The following TPM1 variants were observed in gnomAD, a reference collection of about 807,000 sequenced individuals.
TPM1 encodes tropomyosin 1.
TPM1 carries 24 observed loss-of-function variants against 42.9 expected under a neutral mutation model. The ratio of observed to expected loss-of-function variants is 0.56; its 90% confidence interval spans 0.41 to 0.79. The LOEUF is 0.79. TPM1 is among the 30% of genes least tolerant of loss of function. The pLI is 0.00. For synonymous variants in TPM1, 136 were observed against 130.1 expected, an observed-to-expected ratio of 1.05 and a Z score of -0.31; for missense variants, 158 against 351.8, an observed-to-expected ratio of 0.45 and a Z score of 4.41.
intron 1 of TPM1, 152 bp from the exon 2 acceptor site, chr15:63,043,875 T>C (rs1460133348): frequency 2.6e-6 from 4 of 1,550,126 alleles, no homozygotes; most frequent in Non-Finnish European, 2.6e-6. Flanking sequence ...AATGGCTAAC[T>C]CTTTCTCTTT....
chr15:63,043,847 G>T, intron 1 of TPM1, 180 bp from the exon 2 acceptor site: 1 of 1,548,640 alleles, frequency 6.5e-7, no homozygotes. Context: ...CGGGGCGCGC[G>T]GCACGGCGTG....
At chr15:63,048,456 G>C (rs1433341625) in intron 2 of TPM1, 2 of 1,362,266 alleles carry the variant, frequency 1.5e-6, no homozygotes, top group East Asian at 6.1e-5. Flanking sequence ...CCATCGCACA[G>C]AGAGGCCTGG....
chr15:63,060,244 T>C (rs1001561059), intron 4 of TPM1, among the ~76,000 whole-genome samples: 2 of 152,236 alleles, frequency 1.3e-5, no homozygotes, highest in African/African-American at 4.8e-5. Flanking sequence ...CCTTATTGGA[T>C]CACATCGTGG....
Position 63,066,071 on chromosome 15 carries a change from T to G in TPM1, c.*172T>G. ...TGTACAGAAGCTCTTCGTTTCAGTG[T>G]CAAATAAACACTGTGTAAGCTATTT... is the stretch of plus-strand genomic sequence containing the variant. On this transcript the variant is annotated 3_prime_UTR_variant, in exon 10 of 10. Transcript: ENST00000403994. The G allele has an allele frequency of 6.5e-7, 1 of 1,534,780 alleles. No individual in the cohort carries two copies. The highest frequency in any genetic ancestry group is 8.7e-7 in the Non-Finnish European group (1 of 1,145,274).
downstream of TPM1, among the ~76,000 whole-genome samples, chr15:63,066,664 A>T (rs1314417470): frequency 3.3e-5 from 5 of 152,246 alleles, no homozygotes; most frequent in Non-Finnish European, 7.3e-5. Flanking sequence ...TCATCCTTTT[A>T]TAGCACAAAG....
chr15:63,058,586 G>GT (rs1204787697), intron 3 of TPM1, among the ~76,000 whole-genome samples: 1 of 152,140 alleles, frequency 6.6e-6, no homozygotes, highest in Non-Finnish European at 1.5e-5. Flanking sequence ...GTGCACACCT[G>GT]TAATCCCAGC....
At chr15:63,048,420 A>G (rs554540382) in intron 2 of TPM1, 4 of 1,355,034 alleles carry the variant, frequency 3.0e-6, no homozygotes, top group African/African-American at 1.6e-5. Context: ...CGACTTCCGG[A>G]CTGCTCCTGG....
At chr15:63,069,778 CT>C, downstream of TPM1, 1 of 1,535,350 alleles carries the variant, frequency 6.5e-7, no homozygotes. Flanking sequence ...CTTGAGGTCT[CT>C]TTGTGTTCTC....
intron 1 of TPM1, 42 bp from the exon 2 acceptor site, chr15:63,043,985 C>T (rs1273094828): frequency 1.2e-6 from 2 of 1,602,736 alleles, no homozygotes; most frequent in Non-Finnish European, 1.7e-6. Flanking sequence ...ACGCTGCCTG[C>T]TGCACCCCCC....
chr15:63,044,260 A>C (rs1403220111), intron 2 of TPM1, 108 bp downstream of exon 2: 1 of 1,527,962 alleles, frequency 6.5e-7, no homozygotes, highest in African/African-American at 1.4e-5. Flanking sequence ...CCTGCTGGAC[A>C]CCTGCACACA....
chr15:63,063,273 C>T, intron 8 of TPM1: 1 of 985,364 alleles, frequency 1.0e-6, no homozygotes, highest in Non-Finnish European at 1.2e-6. Context: ...AGACAAATAT[C>T]TACATCACAG....
intron 3 of TPM1, among the ~76,000 whole-genome samples, chr15:63,058,816 A>G (rs2035184963): frequency 2.0e-5 from 3 of 152,326 alleles, no homozygotes; most frequent in South Asian, 4.1e-4. Flanking sequence ...GTAAAATATC[A>G]TAGGTCATTT....
chr15:63,048,431 C>G, intron 2 of TPM1: 1 of 1,351,354 alleles, frequency 7.4e-7, no homozygotes, highest in Non-Finnish European at 9.4e-7. Context: ...CTGCTCCTGG[C>G]CGCAGGGGGC....
chr15:63,052,038 A>C (rs77944175), intron 2 of TPM1, among the ~76,000 whole-genome samples: 67 of 152,206 alleles, frequency 4.4e-4, no homozygotes, highest in African/African-American at 1.6e-3. Flanking sequence ...ATTGTAAGGC[A>C]CCTCAAGTAC....
chr15:63,055,207 C>T (rs1431518197), intron 2 of TPM1, among the ~76,000 whole-genome samples: 1 of 152,204 alleles, frequency 6.6e-6, no homozygotes, highest in Non-Finnish European at 1.5e-5. Context: ...GTAGGCAGTA[C>T]AGTTGTAAAT....
At chr15:63,043,046 T>G in intron 1 of TPM1, 103 bp downstream of exon 1, 9 of 966,610 alleles carry the variant, frequency 9.3e-6, no homozygotes, top group East Asian at 2.8e-5. Context: ...GCCACCACCC[T>G]ACCCCCACCA....
At chr15:63,070,812 C>G, downstream of TPM1, 1 of 1,246,698 alleles carries the variant, frequency 8.0e-7, no homozygotes. Context: ...CGTCAGTGAA[C>G]CTTCACCAAA....
downstream of TPM1, among the ~76,000 whole-genome samples, chr15:63,066,863 G>T (rs1183499074): frequency 6.7e-6 from 1 of 150,370 alleles, no homozygotes; most frequent in Non-Finnish European, 1.5e-5. Flanking sequence ...TTTCATTTGT[G>T]GACATTTTTA....
At chr15:63,047,738 AT>A (rs1300419961) in intron 2 of TPM1, 2 of 152,500 alleles carry the variant, frequency 1.3e-5, no homozygotes, top group African/African-American at 4.8e-5. Flanking sequence ...CGTAGCTATC[AT>A]TTGAGTTTTT....
Sources: allele counts gnomAD v4.1 joint callset (sites outside exome capture counted in the v4.1 genomes callset), GRCh38; gene constraint gnomAD v4.1.1; transcripts MANE v1.5; gene names NCBI Gene and HGNC (gene_info 2026-07-23, HGNC 2026-07-21).